Variants in GRHL2 observed in about 807,000 individuals in gnomAD.
The protein encoded by GRHL2 is grainyhead like transcription factor 2, also known as grainyhead-like protein 2 homolog.
Under a neutral mutation model 83.8 loss-of-function variants are expected in GRHL2, and 21 were observed. That is an observed-to-expected ratio of 0.25 (90% CI 0.18 to 0.36). GRHL2 has a LOEUF of 0.36. Among genes scored for constraint, GRHL2 ranks in the 10% least tolerant of loss-of-function variants. The pLI, the probability that GRHL2 is intolerant of heterozygous loss-of-function variation, is 1.00. For missense variants in GRHL2, 623 were observed against 781.8 expected (o/e 0.80, Z 2.42); for synonymous variants, 280 against 278.9 (o/e 1.00, Z -0.04).
At chr8:101,576,511 G>A (rs138431035) in intron 6 of GRHL2, among the ~76,000 whole-genome samples, 166 of 152,184 alleles carry the variant, frequency 1.1e-3, no homozygotes, top group African/African-American at 3.8e-3. Flanking sequence ...TGAGTCACCC[G>A]GCCCAGCCCT....
chr8:101,566,521 T>C (rs1490275908), intron 4 of GRHL2, among the ~76,000 whole-genome samples: 1 of 150,182 alleles, frequency 6.7e-6, no homozygotes, highest in Non-Finnish European at 1.5e-5. Flanking sequence ...CGGTCCTCTC[T>C]TCTGAACTAA....
Position 101,552,566 on chromosome 8 carries a change from GCCT to G in GRHL2, c.217-148_217-146del, listed in dbSNP as rs1811406149. 3 of 718,374 alleles carry G rather than the reference GCCT, an allele frequency of 4.2e-6. No individual in the cohort carries two copies. The East Asian group carries it at 8.2e-5, about 20-fold the overall frequency. 44.5% of individuals were successfully genotyped at this position (718,374 alleles called of 1,614,324 possible). A position where few individuals can be genotyped will look rare whatever the true frequency, so the allele number is the denominator to read the frequency against. ...ATAATCATTGTCACTCAGGCTACTA[GCCT>G]TTATCATCTCCTGGTGATAGCAACT... On this transcript the variant is annotated intron_variant, in intron 2 of 15. Coordinates refer to ENST00000646743, the MANE Select transcript of GRHL2 (RefSeq NM_024915.4).
intron 14 of GRHL2, among the ~76,000 whole-genome samples, chr8:101,662,099 G>T (rs892466641): frequency 6.6e-6 from 1 of 152,178 alleles, no homozygotes; most frequent in East Asian, 1.9e-4. Context: ...AATCATATTT[G>T]TATATCAGAA....
At chr8:101,645,877 A>T (rs112479568) in intron 13 of GRHL2, among the ~76,000 whole-genome samples, 2,190 of 152,216 alleles carry the variant, frequency 0.014, 61 homozygotes, top group African/African-American at 0.05. Context: ...AAATTTCTTT[A>T]AAAAAAATTT....
chr8:101,582,776 C>G (rs1425424320), intron 7 of GRHL2, among the ~76,000 whole-genome samples: 1 of 152,140 alleles, frequency 6.6e-6, no homozygotes, highest in African/African-American at 2.4e-5. Context: ...GTTTCTTGCT[C>G]TTTGTTGCTT....
At chr8:101,642,912 C>G (rs1190903735) in intron 12 of GRHL2, among the ~76,000 whole-genome samples, 3 of 152,154 alleles carry the variant, frequency 2.0e-5, no homozygotes, top group Admixed American at 6.5e-5. Flanking sequence ...TTCTTAACAG[C>G]CTCCTTTTAA....
At chr8:101,650,692 G>T (rs184828246) in intron 14 of GRHL2, among the ~76,000 whole-genome samples, 74 of 152,060 alleles carry the variant, frequency 4.9e-4, no homozygotes, top group African/African-American at 1.5e-3. Context: ...GTTTTCTTTG[G>T]GGGGGATGAA....
At chr8:101,598,887 G>T (rs1812453369) in intron 7 of GRHL2, among the ~76,000 whole-genome samples, 170 bp from the exon 8 acceptor site, 1 of 152,194 alleles carries the variant, frequency 6.6e-6, no homozygotes, top group Admixed American at 6.5e-5. Context: ...TTCTTATAGA[G>T]TAAGTATTAG....
At chr8:101,536,730 T>A (rs56948068) in intron 1 of GRHL2, among the ~76,000 whole-genome samples, 5,067 of 152,268 alleles carry the variant, frequency 0.033, 252 homozygotes, top group African/African-American at 0.12. Context: ...AGCTTAGTGT[T>A]GAAGACATTG....
chr8:101,644,592 C>G (rs1813471511), intron 13 of GRHL2, among the ~76,000 whole-genome samples: 1 of 152,164 alleles, frequency 6.6e-6, no homozygotes, highest in Non-Finnish European at 1.5e-5. Context: ...TTCATCTCAC[C>G]CAAATAAATG....
At chr8:101,647,543 G>A (rs1813536378) in intron 13 of GRHL2, among the ~76,000 whole-genome samples, 1 of 151,472 alleles carries the variant, frequency 6.6e-6, no homozygotes, top group East Asian at 1.9e-4. Flanking sequence ...ATTTTTCCTT[G>A]TACCGCTAAC....
chr8:101,639,260 C>G (rs1342766268), intron 12 of GRHL2, among the ~76,000 whole-genome samples: 1 of 152,188 alleles, frequency 6.6e-6, no homozygotes, highest in African/African-American at 2.4e-5. Flanking sequence ...TCTTACACAT[C>G]TCACTAGAGT....
chr8:101,567,476 C>T (rs971291332), intron 4 of GRHL2, among the ~76,000 whole-genome samples: 3 of 152,162 alleles, frequency 2.0e-5, no homozygotes, highest in Non-Finnish European at 4.4e-5. Context: ...TCAATGTAAT[C>T]AGGTCTCATC....
intron 8 of GRHL2, among the ~76,000 whole-genome samples, chr8:101,608,749 A>T (rs868548985): frequency 0.25 from 35,126 of 141,738 alleles, 4,944 homozygotes; most frequent in South Asian, 0.35. Flanking sequence ...ACACACACAC[A>T]CACACACACA....
At chr8:101,509,210 TGTGTG>T (rs1810414473) in intron 1 of GRHL2, among the ~76,000 whole-genome samples, 1 of 1,638 alleles carries the variant, frequency 6.1e-4, no homozygotes, top group African/African-American at 1.5e-3. Flanking sequence ...TCTTTCTTCT[TGTGTG>T]TGTGTGTGTG....
chr8:101,680,781 G>A, the GRHL2 span, among the ~76,000 whole-genome samples: 1 of 125,520 alleles, frequency 8.0e-6, no homozygotes, highest in Non-Finnish European at 1.6e-5. Flanking sequence ...CTCACTCAAA[G>A]CCGCTCAACT....
rs1685214407 is a variant in GRHL2, at chr8:101,552,760, A to G, written c.262A>G (p.Ser88Gly). The part of the protein sequence containing the change: ...RLLSVSKASD[S>G]QEDQEKRNCL... ...GCTGTCTGTAAGCAAAGCAAGTGAC[A>G]GCCAAGAAGACCAGGAGAAAAGGTA... The change falls in exon 3 of 16, where the codon AGC becomes GGC. Residue 88 changes from serine (S) to glycine (G), a missense_variant. Physicochemically the swap from Ser to Gly is moderately conservative, Grantham distance 56 (BLOSUM62 0). Transcript: ENST00000646743. 6.2e-7 allele frequency: 1 copy of G among 1,613,998 alleles called. No homozygotes were observed. Among genetic ancestry groups the G allele is most frequent in the Non-Finnish European group, 8.5e-7 (1 of 1,179,980 alleles).
At chr8:101,501,786 G>A (rs1390185992) in intron 1 of GRHL2, among the ~76,000 whole-genome samples, 1 of 152,142 alleles carries the variant, frequency 6.6e-6, no homozygotes, top group African/African-American at 2.4e-5. Context: ...GAGAAGAAAT[G>A]TAAGAAGAAA....
At chr8:101,492,822 T>C (rs899942761) in intron 1 of GRHL2, 33 bp downstream of exon 1, 26 of 1,608,738 alleles carry the variant, frequency 1.6e-5, no homozygotes, top group Middle Eastern at 1.6e-4. Flanking sequence ...CTGCTGCTAC[T>C]ACTACCACTT....
Sources: allele counts gnomAD v4.1 joint callset (sites outside exome capture counted in the v4.1 genomes callset), GRCh38; gene constraint gnomAD v4.1.1; transcripts MANE v1.5; gene names NCBI Gene and HGNC (gene_info 2026-07-23, HGNC 2026-07-21).